The following ZC3H11A variants were observed in gnomAD, a reference collection of about 807,000 sequenced individuals.
The protein encoded by ZC3H11A is zinc finger CCCH domain-containing protein 11A.
Under a neutral mutation model 90.8 loss-of-function variants are expected in ZC3H11A, and 22 were observed. That is an observed-to-expected ratio of 0.24 (90% CI 0.17 to 0.35). The LOEUF (loss-of-function observed/expected upper bound fraction) is 0.35, where lower values mean the gene tolerates loss of function less well. Among genes scored for constraint, ZC3H11A ranks in the 10% least tolerant of loss-of-function variants. ZC3H11A has a pLI of 1.00. For synonymous variants in ZC3H11A, 294 were observed against 339.8 expected, an observed-to-expected ratio of 0.87 and a Z score of 1.48; for missense variants, 701 against 964.9, an observed-to-expected ratio of 0.73 and a Z score of 3.62.
intron 1 of ZC3H11A, chr1:203,798,133 C>G: frequency 6.5e-7 from 1 of 1,536,098 alleles, no homozygotes; most frequent in Non-Finnish European, 8.7e-7. Context: ...TTGGATGTGT[C>G]TTTATCTCCC....
At chr1:203,830,458 ACAT>A (rs1335588781) in intron 8 of ZC3H11A, among the ~76,000 whole-genome samples, 1 of 152,244 alleles carries the variant, frequency 6.6e-6, no homozygotes, top group Non-Finnish European at 1.5e-5. Flanking sequence ...GCTCTGAAGA[ACAT>A]CATATAAGAA....
chr1:203,809,172 GT>G (rs33926996), intron 2 of ZC3H11A, among the ~76,000 whole-genome samples: 11,313 of 82,668 alleles, frequency 0.14, 282 homozygotes, highest in South Asian at 0.18. Context: ...TCTTCTCACT[GT>G]TTTTTTTTTT....
At chr1:203,830,972 G>GT (rs1221380584) in intron 8 of ZC3H11A, among the ~76,000 whole-genome samples, 653 of 49,542 alleles carry the variant, frequency 0.013, 3 homozygotes, top group African/African-American at 0.046. Context: ...TTGAGACAGA[G>GT]TTTTGCTTTT....
rs189649573 is a variant in ZC3H11A at position 203,847,983 on chromosome 1, G to A, written c.1546+296G>A. On this transcript the variant is annotated intron_variant, in intron 13 of 17. Transcript: ENST00000367210. ...TGATTCTCCTGCCTCAGCCTCCCAA[G>A]TAGCTGGGGCTACAGACATGTGCCA... Among the ~76,000 whole-genome samples the A allele has an allele frequency of 6.2e-3, 938 of 152,210 alleles. 30 individuals carry two copies. Among genetic ancestry groups the A allele is most frequent in the Admixed American group, 0.054 (832 of 15,276 alleles).
At chr1:203,799,901 G>C in intron 1 of ZC3H11A, 1 of 1,536,114 alleles carries the variant, frequency 6.5e-7, no homozygotes, top group Non-Finnish European at 8.7e-7. Context: ...CTTATAAGCA[G>C]TTCCTTGCAG....
At position 203,823,132 on chromosome 1, in the gene ZC3H11A, A is replaced by G. The variant is rs949490338; in HGVS notation, c.174+4443A>G. On this transcript the variant is annotated intron_variant, in intron 4 of 17. Transcript: ENST00000367210. ...TGGAGTGTATATTGGCACAGCTCCTATGGAGGGTATGGCAGTGTCTCCAGG... is the reference window on the plus strand; with the variant it reads ...TGGAGTGTATATTGGCACAGCTCCTGTGGAGGGTATGGCAGTGTCTCCAGG... Among the ~76,000 whole-genome samples the G allele has an allele frequency of 3.9e-5, 6 of 152,174 alleles. No individual in the cohort carries two copies. In the South Asian group the frequency reaches 6.2e-4, roughly 16 times the overall value.
chr1:203,837,290 C>CAA (rs11372939), intron 10 of ZC3H11A, among the ~76,000 whole-genome samples: 18,600 of 141,194 alleles, frequency 0.13, 1,378 homozygotes, highest in Non-Finnish European at 0.15. Flanking sequence ...GATCCTGTCT[C>CAA]AAAAAAAAAA....
At chr1:203,805,168 A>C (rs1284245191) in intron 2 of ZC3H11A, among the ~76,000 whole-genome samples, 1 of 145,506 alleles carries the variant, frequency 6.9e-6, no homozygotes, top group Non-Finnish European at 1.5e-5. Context: ...TTTGAGACAG[A>C]GTCTTGCTCT....
intron 1 of ZC3H11A, chr1:203,798,338 T>C: frequency 6.5e-7 from 1 of 1,536,122 alleles, no homozygotes; most frequent in Admixed American, 2.0e-5. Flanking sequence ...TTTGGAATTT[T>C]TTTTACACTG....
chr1:203,830,085 G>C (rs1486823850), intron 7 of ZC3H11A, 38 bp from the exon 8 acceptor site: 3 of 1,503,212 alleles, frequency 2.0e-6, no homozygotes, highest in Admixed American at 1.9e-5. Context: ...AGATGAAAAG[G>C]CTCCCGTTCC....
intron 2 of ZC3H11A, among the ~76,000 whole-genome samples, chr1:203,804,042 A>G (rs575700982): frequency 1.9e-4 from 29 of 151,826 alleles, no homozygotes; most frequent in African/African-American, 5.3e-4. Context: ...TTAATCCTCT[A>G]TTTATTCATT....
At chr1:203,830,744 G>A (rs886603221) in intron 8 of ZC3H11A, among the ~76,000 whole-genome samples, 3 of 151,932 alleles carry the variant, frequency 2.0e-5, no homozygotes, top group Non-Finnish European at 4.4e-5. Context: ...AGGAGGCAGA[G>A]GTTGCAGTGA....
rs1349324883 is a variant in ZC3H11A, at chr1:203,852,835, A to C, written c.*436A>C. ...AAGACAGCTGCTACCATTAAGGACC[A>C]AATTTTATGCTACCACTAAACAAAA... On this transcript the variant is annotated 3_prime_UTR_variant, in exon 18 of 18. Coordinates refer to ENST00000367210, the MANE Select transcript of ZC3H11A (RefSeq NM_001376342.1). 1.7e-5 allele frequency: 3 copies of C among 177,104 alleles called. No individual in the cohort carries two copies. Among genetic ancestry groups the C allele is most frequent in the African/African-American group, 7.2e-5 (3 of 41,602 alleles). 11.0% of individuals were successfully genotyped at this position (177,104 alleles called of 1,614,324 possible). A position where few individuals can be genotyped will look rare whatever the true frequency, so the allele number is the denominator to read the frequency against.
Position 203,838,050 on chromosome 1 carries a change from A to G in ZC3H11A, c.959A>G (p.Lys320Arg). ...GAAGCTCCAGAAACTAACATTGACA[A>G]AACACCAAAGAAAGGTACCTGTGTT... ...KVEAPETNID[K>R]TPKKAQVSKS... The change falls in exon 11 of 18, where the codon AAA (lysine) becomes AGA (arginine). Residue 320 changes from lysine (K) to arginine (R), a missense_variant. Transcript: ENST00000367210. The G allele has an allele frequency of 1.2e-6, 2 of 1,614,194 alleles. No homozygotes were observed. Among genetic ancestry groups the G allele is most frequent in the Non-Finnish European group, 1.7e-6 (2 of 1,180,020 alleles).
intron 9 of ZC3H11A, among the ~76,000 whole-genome samples, chr1:203,833,344 G>A (rs970277868): frequency 2.2e-5 from 3 of 137,566 alleles, no homozygotes; most frequent in South Asian, 2.4e-4. Flanking sequence ...TAGCCTGGGC[G>A]ACAGAGTGAG....
intron 1 of ZC3H11A, chr1:203,796,316 C>G (rs186640630): frequency 3.0e-5 from 12 of 398,024 alleles, no homozygotes. Context: ...TGGAGCTTGT[C>G]TCAAACTCCA....
intron 10 of ZC3H11A, chr1:203,836,020 C>G (rs1442119896): frequency 6.5e-6 from 1 of 154,108 alleles, no homozygotes; most frequent in Non-Finnish European, 1.5e-5. Flanking sequence ...GAGTACAAAC[C>G]AAACCAGGGT....
chr1:203,804,643 AG>A (rs1671637677), intron 2 of ZC3H11A, among the ~76,000 whole-genome samples: 1 of 148,950 alleles, frequency 6.7e-6, no homozygotes. Flanking sequence ...TGTAATCTGC[AG>A]GTTCTGGATT....
chr1:203,800,893 A>T (rs1322643783), intron 1 of ZC3H11A: 1 of 152,766 alleles, frequency 6.5e-6, no homozygotes, highest in Non-Finnish European at 1.5e-5. Context: ...TTCCTTAAAA[A>T]CCCTGATGCT....
Sources: allele counts gnomAD v4.1 joint callset (sites outside exome capture counted in the v4.1 genomes callset), GRCh38; gene constraint gnomAD v4.1.1; transcripts MANE v1.5; gene names NCBI Gene and HGNC (gene_info 2026-07-23, HGNC 2026-07-21).